MYO7A: variants seen among roughly 807,000 people sequenced by gnomAD.
MYO7A encodes myosin VIIA.
Under a neutral mutation model 263.8 loss-of-function variants are expected in MYO7A, and 210 were observed. That is an observed-to-expected ratio of 0.80 (90% confidence interval 0.71 to 0.89). The LOEUF (loss-of-function observed/expected upper bound fraction) is 0.89, where lower values mean the gene tolerates loss of function less well. Among genes scored for constraint, MYO7A ranks in the 40% least tolerant of loss-of-function variants. The pLI is 0.00. For missense variants in MYO7A, 2,820 were observed against 2,968.3 expected, an observed-to-expected ratio of 0.95 and a Z score of 1.16; for synonymous variants, 1,239 against 1,197.3, an observed-to-expected ratio of 1.03 and a Z score of -0.72.
intron 25 of MYO7A, 141 bp from the exon 26 acceptor site, chr11:77,182,927 G>A: frequency 2.6e-6 from 2 of 780,790 alleles, no homozygotes; most frequent in South Asian, 2.9e-5. Context: ...GTAGGGGTGA[G>A]CAGGTGGACG....
At chr11:77,209,622 C>T (rs749372119) in intron 44 of MYO7A, among the ~76,000 whole-genome samples, 21 of 151,854 alleles carry the variant, frequency 1.4e-4, no homozygotes, top group African/African-American at 3.1e-4. Context: ...TCCTGTCCCA[C>T]GTCCCAAATC....
chr11:77,190,027 G>A lies in MYO7A; in HGVS notation c.3638G>A (p.Arg1213Gln), dbSNP rs372642675. Reference sequence around the variant, plus strand: ...CGGGTACTCTGGCTGCAGTACCTGCGGAACTTCATCCACGGGGGCCCGCCC... The same window carrying A: ...CGGGTACTCTGGCTGCAGTACCTGCAGAACTTCATCCACGGGGGCCCGCCC... ...APSEKFVKYL[R>Q]NFIHGGPPGY... is the part of the protein sequence containing the mutation. The change falls in exon 29 of 49, where the codon CGG becomes CAG. Residue 1213 changes from arginine to glutamine, a missense_variant. Physicochemically the swap from Arg to Gln is conservative, Grantham distance 43. Transcript: ENST00000409709. 21 of 1,550,982 alleles carry A rather than the reference G, an allele frequency of 1.4e-5. 1 individual carries two copies. Among genetic ancestry groups the A allele is most frequent in the South Asian group, 1.3e-4 (11 of 83,838 alleles).
Position 77,171,435 on chromosome 11 carries a change from C to G in MYO7A, c.1798-1313C>G, listed in dbSNP as rs557330019. ...CACCCTACCGCATTGCAAATACTCC[C>G]CAGCTTCTCTGGGCAAAGTCCTAGA... On this transcript the variant is annotated intron_variant, in intron 15 of 48. Coordinates refer to ENST00000409709, the MANE Select transcript of MYO7A (RefSeq NM_000260.4). 2.0e-5 allele frequency among the ~76,000 whole-genome samples: 3 copies of G among 152,284 alleles called. No homozygotes were observed. The South Asian group carries it at 6.2e-4, about 32-fold the overall frequency.
intron 44 of MYO7A, 85 bp from the exon 45 acceptor site, chr11:77,211,067 C>T (rs578183392): frequency 1.7e-5 from 22 of 1,308,384 alleles, no homozygotes; most frequent in African/African-American, 1.0e-4. Flanking sequence ...TGGTAGACCC[C>T]GGCGTTGGGG....
chr11:77,162,374 C>G, intron 13 of MYO7A, 44 bp downstream of exon 13: 1 of 1,518,890 alleles, frequency 6.6e-7, no homozygotes, highest in Non-Finnish European at 8.9e-7. Context: ...TGGGTGCGCA[C>G]AGCTTCCTTC....
intron 3 of MYO7A, among the ~76,000 whole-genome samples, chr11:77,143,609 G>A (rs1349900954): frequency 6.6e-6 from 1 of 152,232 alleles, no homozygotes; most frequent in African/African-American, 2.4e-5. Context: ...GCGTGCACAT[G>A]TGTGTGTCAC....
chr11:77,156,201 A>G, intron 5 of MYO7A, 110 bp downstream of exon 5: 3 of 1,230,778 alleles, frequency 2.4e-6, no homozygotes, highest in South Asian at 1.4e-5. Flanking sequence ...AATGCCATCA[A>G]GCTCTTCAGG....
At chr11:77,144,666 C>A (rs1951443263) in intron 3 of MYO7A, among the ~76,000 whole-genome samples, 1 of 152,168 alleles carries the variant, frequency 6.6e-6, no homozygotes, top group African/African-American at 2.4e-5. Flanking sequence ...CCACAGACTC[C>A]TAGCAACTTG....
At chr11:77,155,741 C>T (rs1555061073) in intron 4 of MYO7A, among the ~76,000 whole-genome samples, 166 bp from the exon 5 acceptor site, 1 of 152,232 alleles carries the variant, frequency 6.6e-6, no homozygotes, top group African/African-American at 2.4e-5. Context: ...GAAGGCCCTG[C>T]CCCAGCTCCT....
rs140516475 is a variant in MYO7A at position 77,147,603 on chromosome 11, G to T, written c.133-195G>T. 7.7e-4 allele frequency among the ~76,000 whole-genome samples: 117 copies of T among 152,172 alleles called. 1 individual carries two copies. The highest frequency in any genetic ancestry group is 2.8e-3 in the African/African-American group (116 of 41,534). On this transcript the variant is annotated intron_variant, in intron 3 of 48. Transcript: ENST00000409709. The stretch of plus-strand genomic sequence containing the variant: ...GGGAAAATCCCCTAAGAGAAGGAGC[G>T]GTCCTTGAGGGGTAGAGGTGGCTGG...
Position 77,162,141 on chromosome 11 carries a change from C to T in MYO7A, c.1365C>T (p.Asn455=), listed in dbSNP as rs1555069274. 6.2e-7 allele frequency: 1 copy of T among 1,602,548 alleles called. No individual in the cohort carries two copies. Among genetic ancestry groups the T allele is most frequent in the Non-Finnish European group, 8.5e-7 (1 of 1,174,628 alleles). Residue 455 remains asparagine (N), a synonymous_variant, in exon 13 of 49, where the codon AAC becomes AAT. Transcript: ENST00000409709. ...AVNSFEQLCI[N]FANEHLQQFF... is the part of the protein sequence containing the mutation. ...GCAGCTTTGAGCAGCTCTGCATCAA[C>T]TTCGCCAATGAGCACCTGCAGCAGT...
At position 77,191,958 on chromosome 11, in the gene MYO7A, C is replaced by G. The variant is rs1944034; in HGVS notation, c.3925-93C>G. 0.56 allele frequency: 643,931 copies of G among 1,158,054 alleles called. 183,720 individuals are homozygous for G. Among genetic ancestry groups the G allele is most frequent in the African/African-American group, 0.81 (52,802 of 65,406 alleles). 71.7% of individuals were successfully genotyped at this position (1,158,054 alleles called of 1,614,324 possible). A position where few individuals can be genotyped will look rare whatever the true frequency, so the allele number is the denominator to read the frequency against. The stretch of plus-strand genomic sequence containing the variant: ...GTGTCCCTGCCCCTCGCTGGGCCTC[C>G]GTTTTCTGTCTGAACTGACCGTTGG... On this transcript the variant is annotated intron_variant, in intron 30 of 48. Coordinates refer to ENST00000409709, the MANE Select transcript of MYO7A (RefSeq NM_000260.4).
intron 18 of MYO7A, among the ~76,000 whole-genome samples, chr11:77,177,196 C>T (rs1555080506): frequency 6.6e-6 from 1 of 152,160 alleles, no homozygotes; most frequent in Admixed American, 6.5e-5. Context: ...ACAGCCCAGC[C>T]CAGGTGAGGG....
Position 77,213,995 on chromosome 11 carries a change from G to A in MYO7A, c.6558+16G>A, listed in dbSNP as rs883224. On this transcript the variant is annotated intron_variant, in intron 48 of 48. Transcript: ENST00000409709. ...GACGTCACTGGTGAGGGCGCATCCT[G>A]CTGGGCCTAGTGGGCTCCCTGCCTT... The A allele has an allele frequency of 0.23, 374,568 of 1,613,328 alleles. 48,291 individuals are homozygous for A. The highest frequency in any genetic ancestry group is 0.26 in the Non-Finnish European group (309,225 of 1,179,480).
chr11:77,199,642 C>T lies in MYO7A; in HGVS notation c.4676C>T (p.Ser1559Phe), dbSNP rs773381538. 1.9e-6 allele frequency: 3 copies of T among 1,611,774 alleles called. No homozygotes were observed. Among genetic ancestry groups the T allele is most frequent in the Non-Finnish European group, 2.5e-6 (3 of 1,179,354 alleles). The change falls in exon 35 of 49, where the codon TCC becomes TTC. Residue 1559 changes from serine (S) to phenylalanine (F), a missense_variant. Coordinates refer to ENST00000409709, the MANE Select transcript of MYO7A (RefSeq NM_000260.4). ...TPAGPCSPCW[S>F]CRGAKTTAPS... ...GCGGGGCCCTGTTCTCCGTGTTGGT[C>T]CTGCAGGGGAGCGAAAACGACGGCC...
At chr11:77,160,303 C>T (rs781987832) in intron 11 of MYO7A, 21 bp downstream of exon 11, 45 of 1,547,750 alleles carry the variant, frequency 2.9e-5, no homozygotes, top group Middle Eastern at 3.3e-4. Flanking sequence ...GGGAAGGGGC[C>T]GCTTGCTCGC....
In MYO7A at chr11:77,208,439, G is replaced by A. The variant is rs142293185; in HGVS notation, c.5866G>A (p.Val1956Ile). The change falls in exon 43 of 49, where the codon GTT (valine) becomes ATT (isoleucine). Residue 1956 changes from valine to isoleucine, a missense_variant. Physicochemically the swap from Val to Ile is conservative, Grantham distance 29. Transcript: ENST00000409709. ...ATGGCCCTGACCCCAGGTCCTCAGC[G>A]TTCCTGAGAATGACTTCTTCTTTGA... ...FVKIADKVLS[V>I]PENDFFFDFV... The A allele has an allele frequency of 4.2e-3, 6,708 of 1,612,528 alleles. 20 individuals are homozygous for A. Among genetic ancestry groups the A allele is most frequent in the Non-Finnish European group, 4.6e-3 (5,364 of 1,178,790 alleles).
chr11:77,173,267 A>G (rs782258642), intron 16 of MYO7A, among the ~76,000 whole-genome samples: 2 of 152,168 alleles, frequency 1.3e-5, no homozygotes, highest in African/African-American at 2.4e-5. Context: ...GTGCCCAGTG[A>G]TTGGCAGCTG....
Position 77,208,818 on chromosome 11 carries a change from A to C in MYO7A, c.6051+15A>C. 6.5e-7 allele frequency: 1 copy of C among 1,527,200 alleles called. No homozygotes were observed. Among genetic ancestry groups the C allele is most frequent in the Non-Finnish European group, 8.9e-7 (1 of 1,124,098 alleles). 94.6% of individuals were successfully genotyped at this position (1,527,200 alleles called of 1,614,324 possible). ...ACTATTACCAGGTGGGCACCTCTGCACTCTAGTTGCCTTCGTGCACAGCTA... is the reference window on the plus strand; with the variant it reads ...ACTATTACCAGGTGGGCACCTCTGCCCTCTAGTTGCCTTCGTGCACAGCTA... On this transcript the variant is annotated intron_variant, in intron 44 of 48. Coordinates refer to ENST00000409709, the MANE Select transcript of MYO7A (RefSeq NM_000260.4).
Sources: gnomAD v4.1 joint callset for allele counts (sites outside exome capture counted in the v4.1 genomes callset) on GRCh38, gnomAD v4.1.1 for gene constraint, MANE v1.5 for transcripts, NCBI Gene and HGNC (gene_info 2026-07-23, HGNC 2026-07-21) for gene names.